MCM2: variants seen among roughly 807,000 people sequenced by gnomAD.
The protein encoded by MCM2 is minichromosome maintenance complex component 2, also known as DNA replication licensing factor MCM2.
Under a neutral mutation model 86.4 loss-of-function variants are expected in MCM2, and 49 were observed. The observed-to-expected ratio is 0.57, with a 90% CI of 0.45 to 0.72. The LOEUF (loss-of-function observed/expected upper bound fraction) is 0.72. Among genes scored for constraint, MCM2 ranks in the 30% least tolerant of loss-of-function variants. MCM2 has a pLI of 0.00. For missense variants in MCM2, 1,038 were observed against 1,259.9 expected, an observed-to-expected ratio of 0.82 and a Z score of 2.67; for synonymous variants, 475 against 484.6, an observed-to-expected ratio of 0.98 and a Z score of 0.26.
At chr3:127,620,905 C>G in intron 14 of MCM2, 25 bp downstream of exon 14, 3 of 1,585,378 alleles carry the variant, frequency 1.9e-6, no homozygotes, top group Non-Finnish European at 2.6e-6. Flanking sequence ...AGGTAGGGGC[C>G]TGATGGGCAA....
chr3:127,620,565 C>G, intron 13 of MCM2, 133 bp from the exon 14 acceptor site: 1 of 887,292 alleles, frequency 1.1e-6, no homozygotes, highest in Non-Finnish European at 1.8e-6. Context: ...GCAGCGCAGT[C>G]AAGCATTCTG....
chr3:127,601,618 A>T (rs1163377362), intron 2 of MCM2, among the ~76,000 whole-genome samples: 2 of 152,182 alleles, frequency 1.3e-5, no homozygotes, highest in Non-Finnish European at 2.9e-5. Context: ...CACGTGCTTC[A>T]GCCTCCCAAA....
chr3:127,620,997 G>A, intron 14 of MCM2, 76 bp from the exon 15 acceptor site: 1 of 1,584,812 alleles, frequency 6.3e-7, no homozygotes, highest in African/African-American at 1.3e-5. Context: ...TCTGACCTGG[G>A]TGCTGGCACG....
intron 2 of MCM2, among the ~76,000 whole-genome samples, chr3:127,599,774 G>A (rs541647980): frequency 2.0e-5 from 3 of 152,156 alleles, no homozygotes; most frequent in Non-Finnish European, 2.9e-5. Flanking sequence ...CTGAGGATAA[G>A]CCCCGACTCC....
rs1181496683 is a variant in MCM2, at chr3:127,599,399, C to T, written c.88C>T (p.Arg30Ter). 2 of 1,614,040 alleles carry T rather than the reference C, an allele frequency of 1.2e-6. No homozygotes were observed. Among genetic ancestry groups the T allele is most frequent in the South Asian group, 1.1e-5 (1 of 91,088 alleles). Residue 30 changes from arginine to a stop codon, truncating the protein, a stop_gained, in exon 2 of 16, where the codon CGA (arginine) becomes TGA (stop). Transcript: ENST00000265056. LOFTEE classifies it high-confidence loss of function. ...GNDPLTSSPG[R>*]SSRRTDALTS... The stretch of plus-strand genomic sequence containing the variant: ...TGATCCTCTCACCTCCAGCCCTGGC[C>T]GAAGCTCCCGGCGTACTGATGCCCT...
intron 8 of MCM2, among the ~76,000 whole-genome samples, chr3:127,614,999 C>T (rs1232894215): frequency 6.6e-6 from 1 of 152,230 alleles, no homozygotes; most frequent in African/African-American, 2.4e-5. Flanking sequence ...AGAGACACCT[C>T]TAAAGCTGCA....
rs1203922714 is a variant in MCM2, at chr3:127,608,867, C to T, written c.1272C>T (p.Gly424=). The T allele has an allele frequency of 1.9e-6, 3 of 1,614,070 alleles. No individual in the cohort carries two copies. Among genetic ancestry groups the T allele is most frequent in the Non-Finnish European group, 2.5e-6 (3 of 1,180,044 alleles). ...GCATCTATCACAACAACTATGATGGCTCCCTCAACACTGCCAATGGCTTCC... is the reference window on the plus strand; with the variant it reads ...GCATCTATCACAACAACTATGATGGTTCCCTCAACACTGCCAATGGCTTCC... ...LTGIYHNNYD[G]SLNTANGFPV... Residue 424 remains glycine, a synonymous_variant, in exon 8 of 16, where the codon GGC becomes GGT. Coordinates refer to ENST00000265056, the MANE Select transcript of MCM2 (RefSeq NM_004526.4).
At chr3:127,598,519 G>A (rs1248028797) in intron 1 of MCM2, 47 bp downstream of exon 1, 2 of 1,604,016 alleles carry the variant, frequency 1.2e-6, no homozygotes, top group Non-Finnish European at 1.7e-6. Flanking sequence ...ACATGGGTGC[G>A]GAGGCTGCGC....
In MCM2 at chr3:127,608,508, G is replaced by T; in HGVS notation, c.1228G>T (p.Asp410Tyr). 6.2e-7 allele frequency: 1 copy of T among 1,614,216 alleles called. No individual in the cohort carries two copies. Among genetic ancestry groups the T allele is most frequent in the East Asian group, 2.2e-5 (1 of 44,892 alleles). Residue 410 changes from aspartate (D) to tyrosine (Y), a missense_variant, in exon 7 of 16, where the codon GAC (aspartate) becomes TAC (tyrosine). Asp to Tyr is a radical substitution (Grantham distance 160). Transcript: ENST00000265056. ...TCTGGTGGACAGCTGCAAGCCAGGA[G>T]ACGAGATAGTAAGTGGCCGGGGCAG... is the stretch of plus-strand genomic sequence containing the variant. ...ADLVDSCKPGDEIELTGIYHN... is the reference protein window; with the variant it reads ...ADLVDSCKPGYEIELTGIYHN...
Position 127,606,851 on chromosome 3 carries a change from C to T in MCM2, c.1101+34C>T. 1.9e-6 allele frequency: 3 copies of T among 1,606,686 alleles called. No homozygotes were observed. The highest frequency in any genetic ancestry group is 2.6e-6 in the Non-Finnish European group (3 of 1,173,602). On this transcript the variant is annotated intron_variant, in intron 6 of 15. Transcript: ENST00000265056. This position sits in a 1 kb window ranked among gnomAD's most constrained non-coding sequence, Gnocchi z 4.2. ...GGACACAAGGTCTGCTGCCAGCTGT[C>T]CTTAGGGGTGCCCAGTATGCAGGAC... is the stretch of plus-strand genomic sequence containing the variant.
At chr3:127,609,735 T>C (rs2074378602) in intron 8 of MCM2, among the ~76,000 whole-genome samples, 1 of 152,040 alleles carries the variant, frequency 6.6e-6, no homozygotes, top group Admixed American at 6.6e-5. Context: ...CTTTGCTGTT[T>C]CTCCCACATT....
At chr3:127,604,367 C>T in intron 2 of MCM2, 1 of 491,808 alleles carries the variant, frequency 2.0e-6, no homozygotes, top group Non-Finnish European at 3.6e-6. Context: ...CATCCATGTG[C>T]CAGCACGTGG....
chr3:127,606,017 A>C lies in MCM2; in HGVS notation c.674-101A>C, dbSNP rs772077807. 8.4e-6 allele frequency: 7 copies of C among 830,530 alleles called. No homozygotes were observed. Among genetic ancestry groups the C allele is most frequent in the South Asian group, 1.6e-5 (1 of 62,752 alleles). 51.4% of individuals were successfully genotyped at this position (830,530 alleles called of 1,614,324 possible). On this transcript the variant is annotated intron_variant, in intron 4 of 15. Transcript: ENST00000265056. This position sits in a 1 kb window ranked among gnomAD's most constrained non-coding sequence, Gnocchi z 4.2. Reference sequence around the variant, plus strand: ...AGCTGGGCTTTCTAGGTCAAAATCAATGGTCGGGGTGGGTAGGCCTTGCTT... The same window carrying C: ...AGCTGGGCTTTCTAGGTCAAAATCACTGGTCGGGGTGGGTAGGCCTTGCTT...
At chr3:127,616,727 AG>A in intron 9 of MCM2, 140 bp from the exon 10 acceptor site, 1 of 904,112 alleles carries the variant, frequency 1.1e-6, no homozygotes, top group East Asian at 2.6e-5. Context: ...TGCATGGCGT[AG>A]GGCATTGTAT....
At position 127,619,374 on chromosome 3, in the gene MCM2, CA is replaced by C. The variant is rs1405517494; in HGVS notation, c.2265+100del. On this transcript the variant is annotated intron_variant, in intron 13 of 15. Transcript: ENST00000265056. ...CAGCGGGGGTGGTGGTCAGTCAGGC[CA>C]AAAGGTGCCAGAGCAGGGAGGCATT... 8 of 1,466,326 alleles carry C rather than the reference CA, an allele frequency of 5.5e-6. No homozygotes were observed. In the African/African-American group the frequency reaches 7.1e-5, roughly 13 times the overall value. The allele number at this position is 1,466,326 out of a possible 1,614,324, so 90.8% of individuals were successfully genotyped here.
intron 9 of MCM2, among the ~76,000 whole-genome samples, chr3:127,616,421 G>A (rs756089844): frequency 3.9e-5 from 6 of 152,216 alleles, no homozygotes; most frequent in Middle Eastern, 6.8e-3. Flanking sequence ...ATGACTACAC[G>A]TGTTTATTTG....
Position 127,606,969 on chromosome 3 carries a change from G to A in MCM2, c.1101+152G>A, listed in dbSNP as rs1003453569. The A allele has an allele frequency of 6.7e-6, 5 of 745,320 alleles. No homozygotes were observed. The highest frequency in any genetic ancestry group is 1.1e-5 in the Non-Finnish European group (5 of 447,506). 46.2% of individuals were successfully genotyped at this position (745,320 alleles called of 1,614,324 possible). ...TTGGCCACACCCTGGGGTGGACCCA[G>A]TCTGTCTGGCCAGTGGACTTAGCTT... is the stretch of plus-strand genomic sequence containing the variant. On this transcript the variant is annotated intron_variant, in intron 6 of 15. Coordinates refer to ENST00000265056, the MANE Select transcript of MCM2 (RefSeq NM_004526.4). The surrounding 1 kb of genome is among the most constrained non-coding windows in gnomAD (Gnocchi z 4.2).
At chr3:127,609,194 C>T (rs1052725623) in intron 8 of MCM2, among the ~76,000 whole-genome samples, 171 bp downstream of exon 8, 2 of 152,156 alleles carry the variant, frequency 1.3e-5, no homozygotes, top group East Asian at 1.9e-4. Context: ...GAGGTAAACT[C>T]GCATTGGGGA....
chr3:127,617,940 C>T lies in MCM2; in HGVS notation c.1901-29C>T. 1 of 1,571,790 alleles carries T rather than the reference C, an allele frequency of 6.4e-7. No individual in the cohort carries two copies. Among genetic ancestry groups the T allele is most frequent in the Non-Finnish European group, 8.7e-7 (1 of 1,145,712 alleles). On this transcript the variant is annotated intron_variant, in intron 11 of 15. Transcript: ENST00000265056. The surrounding 1 kb of genome is among the most constrained non-coding windows in gnomAD (Gnocchi z 4.1). ...GAGATGGGAGGATAGGGGAATCCAC[C>T]CTGATGGAGGTGCTCCCCTGTGTTT...
Sources: gnomAD v4.1 joint callset for allele counts (sites outside exome capture counted in the v4.1 genomes callset) on GRCh38, gnomAD v4.1.1 for gene constraint, Gnocchi (gnomAD v3.1) non-coding constraint, MANE v1.5 for transcripts, NCBI Gene and HGNC (gene_info 2026-07-23, HGNC 2026-07-21) for gene names.